Variants in RECK observed in about 807,000 individuals in gnomAD.
RECK encodes reversion inducing cysteine rich protein with kazal motifs.
In RECK, 69 loss-of-function variants were observed where a neutral mutation model predicts 115.1. The observed-to-expected ratio is 0.60, with a 90% confidence interval of 0.49 to 0.73. The LOEUF is 0.73. Among genes scored for constraint, RECK ranks in the 30% least tolerant of loss-of-function variants. RECK has a pLI of 0.00. For missense variants in RECK, 1,047 were observed against 1,203.7 expected, an observed-to-expected ratio of 0.87 and a Z score of 1.93; for synonymous variants, 414 against 419.7, an observed-to-expected ratio of 0.99 and a Z score of 0.17.
Position 36,110,019 on chromosome 9 carries a change from T to A in RECK, c.1828T>A (p.Cys610Ser). Reference sequence around the variant, plus strand: ...TTCTTGTTTTGCTGGCAATTTGGTGTGCTCTACCCGCCTTTGCCTCAGTGA... The same window carrying A: ...TTCTTGTTTTGCTGGCAATTTGGTGAGCTCTACCCGCCTTTGCCTCAGTGA... ...VCSCFAGNLV[C>S]STRLCLSEHS... Residue 610 changes from cysteine (C) to serine (S), a missense_variant, in exon 15 of 21, where the codon TGC (cysteine) becomes AGC (serine). Transcript: ENST00000377966. 6.2e-7 allele frequency: 1 copy of A among 1,614,040 alleles called. No homozygotes were observed.
chr9:36,039,078 A>C (rs1820774008), intron 1 of RECK, among the ~76,000 whole-genome samples: 1 of 152,200 alleles, frequency 6.6e-6, no homozygotes, highest in Non-Finnish European at 1.5e-5. Flanking sequence ...CCTAAAGCGC[A>C]CTTCAGAAAA....
chr9:36,058,609 A>G (rs1403779318), intron 2 of RECK, among the ~76,000 whole-genome samples: 7 of 149,942 alleles, frequency 4.7e-5, no homozygotes, highest in African/African-American at 1.7e-4. Context: ...ATATGTAACT[A>G]ACCTGCACAT....
At chr9:36,066,471 T>G (rs183926451) in intron 6 of RECK, among the ~76,000 whole-genome samples, 1 of 152,236 alleles carries the variant, frequency 6.6e-6, no homozygotes, top group Admixed American at 6.5e-5. Context: ...TAGTTTTTAT[T>G]TTTTTTCTTT....
chr9:36,107,809 T>G (rs1823882151), intron 13 of RECK, among the ~76,000 whole-genome samples, 167 bp from the exon 14 acceptor site: 1 of 152,204 alleles, frequency 6.6e-6, no homozygotes, highest in African/African-American at 2.4e-5. Flanking sequence ...GAGAGGTATG[T>G]TTTTGGCCAA....
intron 1 of RECK, among the ~76,000 whole-genome samples, chr9:36,042,841 T>A (rs1209353557): frequency 6.6e-6 from 1 of 152,100 alleles, no homozygotes; most frequent in Non-Finnish European, 1.5e-5. Flanking sequence ...CCACATCTGT[T>A]ATTTTTTTAT....
At position 36,048,126 on chromosome 9, in the gene RECK, A is replaced by AATATATATATATATATATATATAT. The variant is rs56726335; in HGVS notation, c.101-4128_101-4105dup. ...TACACACGCACAGACACACAGGTTGAATATATATATATATATATATATATA... is the reference window on the plus strand; with the variant it reads ...TACACACGCACAGACACACAGGTTGAATATATATATATATATATATATATATATATATATATATATATATATATA... On this transcript the variant is annotated intron_variant, in intron 1 of 20. Coordinates refer to ENST00000377966, the MANE Select transcript of RECK (RefSeq NM_021111.3). Among the ~76,000 whole-genome samples the AATATATATATATATATATATATAT allele has an allele frequency of 1.2e-3, 133 of 115,322 alleles. 4 individuals carry two copies. Among genetic ancestry groups the AATATATATATATATATATATATAT allele is most frequent in the African/African-American group, 3.3e-3 (75 of 22,996 alleles). The allele number at this position is 115,322 out of a possible 152,430, so 75.7% of individuals were successfully genotyped here. A position where few individuals can be genotyped will look rare whatever the true frequency, so the allele number is the denominator to read the frequency against.
At chr9:36,092,015 T>C (rs995104587) in intron 10 of RECK, among the ~76,000 whole-genome samples, 4 of 152,350 alleles carry the variant, frequency 2.6e-5, no homozygotes, top group Non-Finnish European at 1.5e-5. Context: ...AATCATTCAA[T>C]TGGGCCAGAA....
intron 13 of RECK, among the ~76,000 whole-genome samples, chr9:36,107,560 G>A (rs569881514): frequency 1.1e-3 from 161 of 148,194 alleles, no homozygotes; most frequent in African/African-American, 3.8e-3. Context: ...AGCCAAGATC[G>A]TGCCACTACA....
At chr9:36,061,876 C>T (rs770247335) in intron 4 of RECK, among the ~76,000 whole-genome samples, 2 of 152,128 alleles carry the variant, frequency 1.3e-5, no homozygotes, top group Non-Finnish European at 2.9e-5. Context: ...CTTTGTCTAT[C>T]TGTGAACCAT....
At chr9:36,038,768 A>G (rs950135552) in intron 1 of RECK, among the ~76,000 whole-genome samples, 3 of 152,138 alleles carry the variant, frequency 2.0e-5, no homozygotes, top group African/African-American at 7.2e-5. Flanking sequence ...TAGATTCACA[A>G]TAAAGGGTCC....
intron 1 of RECK, among the ~76,000 whole-genome samples, chr9:36,042,204 G>T (rs964839415): frequency 6.6e-6 from 1 of 151,236 alleles, no homozygotes; most frequent in Non-Finnish European, 1.5e-5. Context: ...CTCATCCCCC[G>T]CTCACTCTTC....
chr9:36,103,945 A>G (rs1000599537), intron 12 of RECK, among the ~76,000 whole-genome samples: 1 of 152,178 alleles, frequency 6.6e-6, no homozygotes, highest in Non-Finnish European at 1.5e-5. Flanking sequence ...TCTAGATTCT[A>G]TTACAGCAGG....
intron 10 of RECK, among the ~76,000 whole-genome samples, chr9:36,097,152 C>G (rs967308061): frequency 6.6e-6 from 1 of 151,828 alleles, no homozygotes; most frequent in African/African-American, 2.4e-5. Flanking sequence ...GGTGAAACCC[C>G]GTCTCTACTA....
At chr9:36,091,049 C>A in intron 9 of RECK, 115 bp from the exon 10 acceptor site, 2 of 875,504 alleles carry the variant, frequency 2.3e-6, no homozygotes, top group Non-Finnish European at 3.3e-6. Flanking sequence ...GGTTTTTTTA[C>A]TTTTTTTCTC....
rs776830443 is a variant in RECK, at chr9:36,122,855, T to C, written c.2726T>C (p.Ile909Thr). The change falls in exon 21 of 21, where the codon ATT becomes ACT. Residue 909 changes from isoleucine to threonine, a missense_variant. Transcript: ENST00000377966. Reference protein sequence around the residue: ...IEACNKEAEKIESLINSDSPT... With the variant: ...IEACNKEAEKTESLINSDSPT... ...GCCTGCAATAAAGAAGCAGAGAAGA[T>C]TGAGTCCCTTATCAACTCTGACAGC... 6.2e-7 allele frequency: 1 copy of C among 1,614,170 alleles called. No homozygotes were observed. Among genetic ancestry groups the C allele is most frequent in the African/African-American group, 1.3e-5 (1 of 75,034 alleles).
At chr9:36,090,492 T>C (rs187448493) in intron 9 of RECK, among the ~76,000 whole-genome samples, 1 of 152,332 alleles carries the variant, frequency 6.6e-6, no homozygotes, top group Admixed American at 6.5e-5. Flanking sequence ...GAAAATTTTA[T>C]TGTAAACATG....
intron 16 of RECK, among the ~76,000 whole-genome samples, chr9:36,114,618 C>T (rs542190935): frequency 1.3e-5 from 2 of 152,174 alleles, no homozygotes; most frequent in East Asian, 1.9e-4. Context: ...CTTGGGAAGC[C>T]GAGGCAGGCA....
intron 20 of RECK, among the ~76,000 whole-genome samples, chr9:36,122,463 T>G (rs1824499180): frequency 1.3e-5 from 2 of 152,188 alleles, no homozygotes; most frequent in African/African-American, 4.8e-5. Context: ...CTTTCTCTTT[T>G]CTTTTTTCTT....
At chr9:36,073,002 A>G (rs1822293497) in intron 6 of RECK, among the ~76,000 whole-genome samples, 1 of 152,018 alleles carries the variant, frequency 6.6e-6, no homozygotes, top group Non-Finnish European at 1.5e-5. Flanking sequence ...CCATAGATTT[A>G]ATTGTTCTTA....
Sources: gnomAD v4.1 joint callset for allele counts (sites outside exome capture counted in the v4.1 genomes callset) on GRCh38, gnomAD v4.1.1 for gene constraint, MANE v1.5 for transcripts, NCBI Gene and HGNC (gene_info 2026-07-23, HGNC 2026-07-21) for gene names.